The following LGSN variants were observed in gnomAD, a reference collection of about 807,000 sequenced individuals.
LGSN encodes the protein lengsin.
A neutral mutation model predicts 19.5 loss-of-function variants in LGSN; 21 were observed. The ratio of observed to expected loss-of-function variants is 1.07; its 90% CI spans 0.76 to 1.55. The LOEUF (loss-of-function observed/expected upper bound fraction) is 1.55. LGSN is among the 40% of genes most tolerant of loss of function. The pLI is 0.00. For synonymous variants in LGSN, 257 were observed against 215.6 expected (o/e 1.19, Z -1.68); for missense variants, 673 against 608.5 (o/e 1.11, Z -1.12).
intron 1 of LGSN, among the ~76,000 whole-genome samples, chr6:63,313,500 A>G (rs6907351): frequency 1.2e-4 from 19 of 152,272 alleles, no homozygotes; most frequent in Admixed American, 9.2e-4. Flanking sequence ...GTTCAAGAAA[A>G]GTTTACGTTG....
the LGSN span, among the ~76,000 whole-genome samples, chr6:63,499,321 C>G: frequency 0.53 from 81,276 of 151,920 alleles, 23,617 homozygotes; most frequent in African/African-American, 0.77. Context: ...AGTACAGTCA[C>G]TGGTTTCTGT....
the LGSN span, among the ~76,000 whole-genome samples, chr6:63,416,134 T>C: frequency 1.3e-5 from 2 of 151,916 alleles, no homozygotes; most frequent in Non-Finnish European, 2.9e-5. Context: ...GCTTTTTTTT[T>C]TTCAGAATAT....
chr6:63,512,401 G>A, the LGSN span, among the ~76,000 whole-genome samples: 14 of 152,158 alleles, frequency 9.2e-5, no homozygotes, highest in Admixed American at 3.3e-4. Context: ...CATTCTTTGC[G>A]TGGTGGCTTA....
At chr6:63,318,550 G>A (rs917947729) in intron 1 of LGSN, among the ~76,000 whole-genome samples, 1 of 152,160 alleles carries the variant, frequency 6.6e-6, no homozygotes, top group Non-Finnish European at 1.5e-5. Flanking sequence ...TAAATACAAT[G>A]CTCTATTCCA....
At chr6:63,398,219 A>C in the LGSN span, among the ~76,000 whole-genome samples, 1 of 150,326 alleles carries the variant, frequency 6.7e-6, no homozygotes, top group Admixed American at 6.6e-5. Flanking sequence ...AAAAAAAAAA[A>C]AAAAAAAAGT....
the LGSN span, among the ~76,000 whole-genome samples, chr6:63,573,009 C>T: frequency 2.0e-5 from 3 of 152,102 alleles, no homozygotes; most frequent in African/African-American, 4.8e-5. Context: ...CGGCGCGGTC[C>T]GGCTTCTGCG....
chr6:63,523,262 T>A, the LGSN span, among the ~76,000 whole-genome samples: 1 of 152,144 alleles, frequency 6.6e-6, no homozygotes, highest in Non-Finnish European at 1.5e-5. Flanking sequence ...ATTATGTACT[T>A]TCTCAGGCAT....
the LGSN span, among the ~76,000 whole-genome samples, chr6:63,564,707 T>A: frequency 6.6e-6 from 1 of 152,358 alleles, no homozygotes; most frequent in Admixed American, 6.5e-5. Context: ...TATTTTTGCC[T>A]CAGTTCAGAC....
chr6:63,480,984 T>TAC, the LGSN span, among the ~76,000 whole-genome samples: 73 of 36,374 alleles, frequency 2.0e-3, no homozygotes, highest in Non-Finnish European at 4.7e-3. Flanking sequence ...TATATATATA[T>TAC]ATACACACAC....
the LGSN span, among the ~76,000 whole-genome samples, chr6:63,385,493 G>A: frequency 6.6e-6 from 1 of 152,098 alleles, no homozygotes; most frequent in Admixed American, 6.5e-5. Context: ...ACAATCAATT[G>A]GATAAAGTTT....
the LGSN span, among the ~76,000 whole-genome samples, chr6:63,487,133 C>A: frequency 1.3e-5 from 2 of 152,050 alleles, no homozygotes; most frequent in Non-Finnish European, 2.9e-5. Flanking sequence ...CCGTGCCTGG[C>A]CTGTTTTTGT....
the LGSN span, among the ~76,000 whole-genome samples, chr6:63,329,475 C>T: frequency 6.6e-6 from 1 of 152,178 alleles, no homozygotes; most frequent in Non-Finnish European, 1.5e-5. Context: ...TTTTGTACTC[C>T]CAGAATTGGG....
At chr6:63,344,692 TGA>T in the LGSN span, among the ~76,000 whole-genome samples, 4 of 151,884 alleles carry the variant, frequency 2.6e-5, no homozygotes, top group Non-Finnish European at 5.9e-5. Flanking sequence ...GACAACTGGC[TGA>T]GAGTTTAGGG....
At chr6:63,282,617 C>A (rs1767364892) in intron 3 of LGSN, among the ~76,000 whole-genome samples, 1 of 152,212 alleles carries the variant, frequency 6.6e-6, no homozygotes. Context: ...CACTCTTCCG[C>A]ATTTGCCCAT....
chr6:63,549,554 A>T, the LGSN span: 3 of 613,612 alleles, frequency 4.9e-6, no homozygotes, highest in South Asian at 4.0e-5. Flanking sequence ...ATAAATGTTG[A>T]CAAGATTTGA....
At chr6:63,356,720 T>C in the LGSN span, among the ~76,000 whole-genome samples, 2 of 151,990 alleles carry the variant, frequency 1.3e-5, no homozygotes, top group African/African-American at 2.4e-5. Flanking sequence ...AGAAGAGATA[T>C]CTTCTCCTGA....
chr6:63,525,356 G>T, the LGSN span, among the ~76,000 whole-genome samples: 3 of 152,170 alleles, frequency 2.0e-5, no homozygotes, highest in Non-Finnish European at 4.4e-5. Context: ...TTCTGCCAAT[G>T]GGGGAGCTAG....
At chr6:63,361,028 G>A in the LGSN span, among the ~76,000 whole-genome samples, 1 of 152,212 alleles carries the variant, frequency 6.6e-6, no homozygotes, top group Admixed American at 6.5e-5. Context: ...TTTTGTCTCA[G>A]AGGAGTACCC....
At chr6:63,394,250 C>T in the LGSN span, among the ~76,000 whole-genome samples, 8 of 152,042 alleles carry the variant, frequency 5.3e-5, no homozygotes, top group Middle Eastern at 3.2e-3. Flanking sequence ...GGCAACAGAG[C>T]GAGACTCTGT....
Sources: gnomAD v4.1 joint callset for allele counts (sites outside exome capture counted in the v4.1 genomes callset) on GRCh38, gnomAD v4.1.1 for gene constraint, MANE v1.5 for transcripts, NCBI Gene and HGNC (gene_info 2026-07-23, HGNC 2026-07-21) for gene names.